Variants in RHOA observed in about 807,000 individuals in gnomAD.
RHOA encodes transforming protein RhoA.
RHOA carries 3 observed loss-of-function variants against 17.5 expected under a neutral mutation model. That is an observed-to-expected ratio of 0.17 (90% CI 0.08 to 0.44). The LOEUF is 0.44. RHOA is among the 20% of genes least tolerant of loss of function. The probability of loss-of-function intolerance (pLI) is 0.99; values close to 1 mark genes in which losing one functional copy is unlikely to be tolerated. For synonymous variants in RHOA, 98 were observed against 88.4 expected, an observed-to-expected ratio of 1.11 and a Z score of -0.61; for missense variants, 56 against 242.3, an observed-to-expected ratio of 0.23 and a Z score of 5.10.
At position 49,360,401 on chromosome 3, in the gene RHOA, T is replaced by C. The variant is rs2047944638; in HGVS notation, c.409-19A>G. 9 of 1,598,786 alleles carry C rather than the reference T, an allele frequency of 5.6e-6. No homozygotes were observed. Among genetic ancestry groups the C allele is most frequent in the Non-Finnish European group, 6.0e-6 (7 of 1,173,650 alleles). On this transcript the variant is annotated intron_variant, in intron 4 of 4. Coordinates refer to ENST00000418115, the MANE Select transcript of RHOA (RefSeq NM_001664.4). ...CCGGCTCCTAGCAAAGAAAAAAAAA[T>C]AGTCCTTTTAGCTAATAGTGTGGCA...
At chr3:49,362,404 G>A in intron 4 of RHOA, 92 bp downstream of exon 4, 1 of 1,389,326 alleles carries the variant, frequency 7.2e-7, no homozygotes, top group Non-Finnish European at 9.6e-7. Context: ...AAAACAACCT[G>A]GCCTGTGAAG....
chr3:49,386,834 C>A (rs890514046), intron 1 of RHOA, among the ~76,000 whole-genome samples: 2 of 151,910 alleles, frequency 1.3e-5, no homozygotes, highest in East Asian at 3.8e-4. Context: ...GTTACATGAC[C>A]GGGCGTGGCA....
chr3:49,378,170 T>C (rs1370409218), intron 1 of RHOA, among the ~76,000 whole-genome samples: 1 of 90,450 alleles, frequency 1.1e-5, no homozygotes, highest in African/African-American at 4.2e-5. Flanking sequence ...AACTGTGTCT[T>C]AAAAAAAAAA....
chr3:49,375,650 G>C (rs1280264264), intron 1 of RHOA, 59 bp from the exon 2 acceptor site: 6 of 1,552,102 alleles, frequency 3.9e-6, no homozygotes, highest in Non-Finnish European at 5.3e-6. Flanking sequence ...GTAGCTTACA[G>C]GATGACACAT....
chr3:49,388,007 CTTTTT>C (rs772445967), intron 1 of RHOA, among the ~76,000 whole-genome samples: 1 of 143,824 alleles, frequency 7.0e-6, no homozygotes, highest in Non-Finnish European at 1.5e-5. Flanking sequence ...ATGGCTTTCT[CTTTTT>C]TTTTTTTTCC....
chr3:49,374,479 G>A (rs1201406267), intron 2 of RHOA, among the ~76,000 whole-genome samples: 4 of 152,190 alleles, frequency 2.6e-5, no homozygotes, highest in African/African-American at 9.7e-5. Context: ...AGCACTTTGG[G>A]AGGCTGAGGC....
At chr3:49,402,829 C>G (rs1360494992) in intron 1 of RHOA, among the ~76,000 whole-genome samples, 1 of 150,976 alleles carries the variant, frequency 6.6e-6, no homozygotes, top group Non-Finnish European at 1.5e-5. Flanking sequence ...CAAGGTCAGG[C>G]CTTTGAGACC....
At chr3:49,407,379 G>C (rs1206938251) in intron 1 of RHOA, among the ~76,000 whole-genome samples, 2 of 151,372 alleles carry the variant, frequency 1.3e-5, no homozygotes, top group Non-Finnish European at 2.9e-5. Flanking sequence ...GATTATAGGC[G>C]CCTGCTGCCA....
intron 2 of RHOA, 69 bp from the exon 3 acceptor site, chr3:49,368,617 C>T: frequency 6.4e-7 from 1 of 1,563,386 alleles, no homozygotes; most frequent in Non-Finnish European, 8.8e-7. Flanking sequence ...AAAAGTGACA[C>T]TTACCATAGT....
intron 1 of RHOA, among the ~76,000 whole-genome samples, chr3:49,377,685 G>A (rs1333442621): frequency 6.6e-6 from 1 of 151,668 alleles, no homozygotes; most frequent in Non-Finnish European, 1.5e-5. Flanking sequence ...GAGGTGGGAG[G>A]ATTGCTTGAG....
intron 2 of RHOA, among the ~76,000 whole-genome samples, chr3:49,370,706 C>A (rs1020108028): frequency 6.6e-6 from 1 of 152,146 alleles, no homozygotes; most frequent in African/African-American, 2.4e-5. Context: ...GCTCTGAATA[C>A]AAGTCCCATT....
intron 2 of RHOA, among the ~76,000 whole-genome samples, 165 bp from the exon 3 acceptor site, chr3:49,368,713 T>TC (rs1335920767): frequency 1.4e-5 from 2 of 147,164 alleles, no homozygotes; most frequent in East Asian, 1.9e-4. Flanking sequence ...TTTTCTTTTT[T>TC]TTTTTTTTTT....
intron 2 of RHOA, among the ~76,000 whole-genome samples, chr3:49,373,903 CA>C (rs2048184051): frequency 6.6e-6 from 1 of 151,036 alleles, no homozygotes; most frequent in Admixed American, 6.6e-5. Flanking sequence ...AAACCAAAAC[CA>C]AAATTAAAAC....
intron 4 of RHOA, among the ~76,000 whole-genome samples, chr3:49,362,023 TAAA>T (rs879621290): frequency 7.1e-6 from 1 of 140,518 alleles, no homozygotes; most frequent in African/African-American, 2.6e-5. Context: ...CCCCATCTAT[TAAA>T]AAAAAAAAAA....
rs36093993 is a variant in RHOA at position 49,387,753 on chromosome 3, C to CAA, written c.-2-12164_-2-12163dup. Among the ~76,000 whole-genome samples, 102 of 139,672 alleles carry CAA rather than the reference C, an allele frequency of 7.3e-4. 1 individual carries two copies. The highest frequency in any genetic ancestry group is 2.1e-3 in the South Asian group (9 of 4,376). The allele number at this position is 139,672 out of a possible 152,430, so 91.6% of individuals were successfully genotyped here. A position where few individuals can be genotyped will look rare whatever the true frequency, so the allele number is the denominator to read the frequency against. ...GACTCCAGGTCTCAAAAAAAAAAAA[C>CAA]AAAAAAAAAAACCCTATTATGTTTG... On this transcript the variant is annotated intron_variant, in intron 1 of 4. Coordinates refer to ENST00000418115, the MANE Select transcript of RHOA (RefSeq NM_001664.4).
At chr3:49,374,712 ACT>A (rs1366551609) in intron 2 of RHOA, among the ~76,000 whole-genome samples, 11 of 151,786 alleles carry the variant, frequency 7.2e-5, no homozygotes, top group Non-Finnish European at 1.5e-4. Context: ...ACAGAGCGAG[ACT>A]CTGTCTCAAA....
intron 3 of RHOA, among the ~76,000 whole-genome samples, chr3:49,364,165 C>T (rs1001820134): frequency 1.3e-5 from 2 of 151,912 alleles, no homozygotes; most frequent in African/African-American, 2.4e-5. Flanking sequence ...GTCTGGCCAA[C>T]ATGGTGAAAC....
chr3:49,408,684 T>C (rs1275462950), intron 1 of RHOA, among the ~76,000 whole-genome samples: 3 of 152,132 alleles, frequency 2.0e-5, no homozygotes, highest in African/African-American at 4.8e-5. Context: ...GCATGTAACA[T>C]TAAGTTCAAA....
At chr3:49,379,806 G>A (rs546454460) in intron 1 of RHOA, among the ~76,000 whole-genome samples, 40 of 152,236 alleles carry the variant, frequency 2.6e-4, no homozygotes, top group African/African-American at 7.9e-4. Flanking sequence ...GTGAGCCACC[G>A]CACCCAGCCC....
Sources: allele counts gnomAD v4.1 joint callset (sites outside exome capture counted in the v4.1 genomes callset), GRCh38; gene constraint gnomAD v4.1.1; transcripts MANE v1.5; gene names NCBI Gene and HGNC (gene_info 2026-07-23, HGNC 2026-07-21).